PRKCI: variants seen among roughly 807,000 people sequenced by gnomAD.
PRKCI encodes the protein protein kinase C iota type.
A neutral mutation model predicts 84.0 loss-of-function variants in PRKCI; 43 were observed. That is an observed-to-expected ratio of 0.51 (90% CI 0.40 to 0.66). The LOEUF is 0.66. Among genes scored for constraint, PRKCI ranks in the 30% least tolerant of loss-of-function variants. PRKCI has a pLI of 0.00. For missense variants in PRKCI, 459 were observed against 745.6 expected (o/e 0.62, Z 4.48); for synonymous variants, 216 against 234.4 (o/e 0.92, Z 0.72).
At chr3:170,247,774 G>A (rs971284496) in intron 2 of PRKCI, among the ~76,000 whole-genome samples, 15 of 149,188 alleles carry the variant, frequency 1.0e-4, no homozygotes, top group East Asian at 3.9e-4. Flanking sequence ...GAGGATGAGC[G>A]GCTTCATGGG....
intron 6 of PRKCI, 116 bp downstream of exon 6, chr3:170,270,677 A>G (rs1733980971): frequency 7.8e-7 from 1 of 1,280,298 alleles, no homozygotes; most frequent in Non-Finnish European, 1.0e-6. Context: ...CAGAGTAGCT[A>G]CAGAGTATGG....
chr3:170,279,239 C>T (rs1734188896), intron 8 of PRKCI, among the ~76,000 whole-genome samples: 1 of 152,092 alleles, frequency 6.6e-6, no homozygotes. Context: ...GCACATTGCC[C>T]AGGCTGGTCT....
Position 170,290,721 on chromosome 3 carries a change from T to A in PRKCI, c.1204-1133T>A, listed in dbSNP as rs183727136. Among the ~76,000 whole-genome samples, 550 of 152,284 alleles carry A rather than the reference T, an allele frequency of 3.6e-3. 5 individuals carry two copies. The highest frequency in any genetic ancestry group is 0.012 in the African/African-American group (509 of 41,560). ...TTACTCTTTGTATTTTGAGGCCATG[T>A]TGTTGAGTGTATGCAAGTGTATATT... On this transcript the variant is annotated intron_variant, in intron 12 of 17. Transcript: ENST00000295797.
At chr3:170,228,871 A>AC (rs932555324) in intron 1 of PRKCI, among the ~76,000 whole-genome samples, 1 of 149,764 alleles carries the variant, frequency 6.7e-6, no homozygotes, top group African/African-American at 2.5e-5. Flanking sequence ...TTCAACCCTC[A>AC]CCCCCCTCCC....
intron 11 of PRKCI, among the ~76,000 whole-genome samples, chr3:170,282,700 A>C (rs1436348621): frequency 4.6e-5 from 7 of 151,212 alleles, no homozygotes; most frequent in Non-Finnish European, 1.0e-4. Context: ...CTGTCTCAAA[A>C]AAAAAAAAAA....
intron 1 of PRKCI, among the ~76,000 whole-genome samples, chr3:170,223,007 T>G (rs948172983): frequency 7.2e-5 from 11 of 151,804 alleles, no homozygotes; most frequent in Non-Finnish European, 1.3e-4. Flanking sequence ...CAGAGTAGGG[T>G]CCGAGAAGGA....
chr3:170,223,239 G>T (rs1419519381), intron 1 of PRKCI, among the ~76,000 whole-genome samples: 1 of 152,184 alleles, frequency 6.6e-6, no homozygotes, highest in Non-Finnish European at 1.5e-5. Context: ...CTGGTTCTCT[G>T]AGATATACCT....
chr3:170,282,758 T>C (rs1734282087), intron 11 of PRKCI, among the ~76,000 whole-genome samples: 1 of 151,556 alleles, frequency 6.6e-6, no homozygotes, highest in Non-Finnish European at 1.5e-5. Flanking sequence ...CTTCCTGTGA[T>C]TTATTGTTCT....
At chr3:170,228,429 C>T (rs1361161603) in intron 1 of PRKCI, among the ~76,000 whole-genome samples, 2 of 151,928 alleles carry the variant, frequency 1.3e-5, no homozygotes, top group African/African-American at 2.4e-5. Context: ...TGGTGAAACC[C>T]TATCTCTACA....
At chr3:170,279,573 T>C (rs749023350) in intron 8 of PRKCI, among the ~76,000 whole-genome samples, 5 of 152,214 alleles carry the variant, frequency 3.3e-5, no homozygotes, top group Admixed American at 2.6e-4. Context: ...GAAGCTTACA[T>C]TTGTAGTTGT....
chr3:170,278,392 G>C (rs1490527295), intron 8 of PRKCI, among the ~76,000 whole-genome samples: 1 of 152,172 alleles, frequency 6.6e-6, no homozygotes, highest in Non-Finnish European at 1.5e-5. Context: ...GGGTGTGGCA[G>C]CTCACACCTA....
At chr3:170,246,778 T>C (rs917445444) in intron 2 of PRKCI, among the ~76,000 whole-genome samples, 3 of 152,208 alleles carry the variant, frequency 2.0e-5, no homozygotes, top group African/African-American at 7.2e-5. Flanking sequence ...TCCAGAACTT[T>C]TCACCATCCC....
chr3:170,238,323 G>A (rs150949708), intron 2 of PRKCI, among the ~76,000 whole-genome samples: 1,566 of 151,336 alleles, frequency 0.01, 32 homozygotes, highest in African/African-American at 0.036. Flanking sequence ...AGATTGTGTC[G>A]TTGTACTCCT....
Position 170,288,170 on chromosome 3 carries a change from C to T in PRKCI, c.1203+3574C>T, listed in dbSNP as rs1227726886. Among the ~76,000 whole-genome samples the T allele has an allele frequency of 8.6e-5, 13 of 151,012 alleles. No homozygotes were observed. The South Asian group carries it at 1.9e-3, about 22-fold the overall frequency. Reference sequence around the variant, plus strand: ...CTGAGGCAGGAGAATGGCGAGAACCCGGGAGGCGGAGCTTGCAGTGACCCG... The same window carrying T: ...CTGAGGCAGGAGAATGGCGAGAACCTGGGAGGCGGAGCTTGCAGTGACCCG... On this transcript the variant is annotated intron_variant, in intron 12 of 17. Transcript: ENST00000295797.
chr3:170,283,175 A>T (rs1457964476), intron 11 of PRKCI, among the ~76,000 whole-genome samples: 1 of 152,082 alleles, frequency 6.6e-6, no homozygotes, highest in Non-Finnish European at 1.5e-5. Context: ...AAGACTGTAA[A>T]TTGTTTATGT....
chr3:170,243,618 G>A (rs1417796732), intron 2 of PRKCI, among the ~76,000 whole-genome samples: 2 of 152,170 alleles, frequency 1.3e-5, no homozygotes, highest in Non-Finnish European at 2.9e-5. Context: ...ATGAGATGGG[G>A]CACTTCATCC....
intron 5 of PRKCI, among the ~76,000 whole-genome samples, chr3:170,269,379 A>G (rs1015046251): frequency 1.3e-5 from 2 of 152,122 alleles, no homozygotes; most frequent in African/African-American, 4.8e-5. Context: ...GAAGGCTTTG[A>G]GGCTGGGTGC....
chr3:170,246,739 T>A (rs1411740236), intron 2 of PRKCI, among the ~76,000 whole-genome samples: 3 of 152,206 alleles, frequency 2.0e-5, no homozygotes, highest in East Asian at 3.8e-4. Flanking sequence ...TTCACAGTGT[T>A]GTACAACTAT....
At chr3:170,230,666 A>T (rs1732763704) in intron 1 of PRKCI, among the ~76,000 whole-genome samples, 1 of 152,120 alleles carries the variant, frequency 6.6e-6, no homozygotes, top group Non-Finnish European at 1.5e-5. Context: ...CTTTTCAGTG[A>T]ATCTGGTATT....
Sources: allele counts gnomAD v4.1 joint callset (sites outside exome capture counted in the v4.1 genomes callset), GRCh38; gene constraint gnomAD v4.1.1; transcripts MANE v1.5; gene names NCBI Gene and HGNC (gene_info 2026-07-23, HGNC 2026-07-21).